Variants in COX10 observed in about 807,000 individuals in gnomAD.
The protein encoded by COX10 is cytochrome c oxidase assembly factor heme A:farnesyltransferase COX10, also known as protoheme IX farnesyltransferase, mitochondrial.
COX10 carries 27 observed loss-of-function variants against 37.3 expected under a neutral mutation model. The ratio of observed to expected loss-of-function variants is 0.72; its 90% confidence interval spans 0.53 to 1.00. COX10 has a LOEUF of 1.00. COX10 is among the 50% of genes least tolerant of loss of function. COX10 has a pLI of 0.00. For synonymous variants in COX10, 222 were observed against 229.1 expected (o/e 0.97, Z 0.28); for missense variants, 475 against 563.2 (o/e 0.84, Z 1.59).
intron 4 of COX10, among the ~76,000 whole-genome samples, chr17:14,126,716 T>G (rs1916348796): frequency 6.6e-6 from 1 of 152,124 alleles, no homozygotes; most frequent in South Asian, 2.1e-4. Context: ...GGTGGGAGGA[T>G]GCAATGGAGT....
At chr17:14,144,497 T>C (rs910523053) in intron 4 of COX10, among the ~76,000 whole-genome samples, 5 of 152,178 alleles carry the variant, frequency 3.3e-5, no homozygotes, top group African/African-American at 1.2e-4. Flanking sequence ...AATTTTCTGA[T>C]CTTTTAAGTC....
chr17:14,091,910 C>G (rs1309649340), intron 3 of COX10, among the ~76,000 whole-genome samples: 1 of 152,016 alleles, frequency 6.6e-6, no homozygotes, highest in African/African-American at 2.4e-5. Context: ...TTTTGCCAAA[C>G]TCAGTTTTGA....
intron 4 of COX10, among the ~76,000 whole-genome samples, chr17:14,155,735 A>AG (rs1207254859): frequency 8.8e-4 from 133 of 151,746 alleles, no homozygotes; most frequent in African/African-American, 2.9e-3. Context: ...AGAAAAAAAA[A>AG]GAAAACAAAA....
rs752138772 is a variant in COX10, at chr17:14,159,891, A to G, written c.639A>G (p.Pro213=). The G allele has an allele frequency of 6.2e-7, 1 of 1,611,918 alleles. No homozygotes were observed. The highest frequency in any genetic ancestry group is 1.1e-5 in the South Asian group (1 of 90,768). ...TCTTTTTACAGTTTTTTGAGGTGCC[A>G]TTTGACTCAAACATGAATAGGACAA... ...ANSINQFFEV[P]FDSNMNRTKN... The change falls in exon 5 of 7, where the codon CCA becomes CCG. Residue 213 remains proline (P), a synonymous_variant. Coordinates refer to ENST00000261643, the MANE Select transcript of COX10 (RefSeq NM_001303.4).
At chr17:14,168,889 T>C (rs1418937439) in intron 5 of COX10, among the ~76,000 whole-genome samples, 3 of 152,166 alleles carry the variant, frequency 2.0e-5, no homozygotes, top group Non-Finnish European at 4.4e-5. Context: ...TTTTTCCCAT[T>C]CTCTTGGCAA....
rs763498076 is a variant in COX10 at position 14,156,523 on chromosome 17, C to T, written c.625-3354C>T. ...GATTACAGGCGTGAGCCACCGTGCC[C>T]GGCCTAAATCTGAAATTTAACCCTA... On this transcript the variant is annotated intron_variant, in intron 4 of 6. Transcript: ENST00000261643. 3.3e-5 allele frequency among the ~76,000 whole-genome samples: 5 copies of T among 152,122 alleles called. No homozygotes were observed. The South Asian group carries it at 6.2e-4, about 19-fold the overall frequency.
chr17:14,173,236 A>G (rs932004837), intron 5 of COX10, among the ~76,000 whole-genome samples: 3 of 152,254 alleles, frequency 2.0e-5, no homozygotes, highest in Admixed American at 6.5e-5. Flanking sequence ...ATGCTTAATA[A>G]TGGATAGATG....
At chr17:14,129,268 C>A (rs1484762657) in intron 4 of COX10, among the ~76,000 whole-genome samples, 1 of 150,664 alleles carries the variant, frequency 6.6e-6, no homozygotes, top group African/African-American at 2.4e-5. Context: ...GAAATTTATT[C>A]TCTTTACTGA....
At chr17:14,137,379 A>G (rs12450626) in intron 4 of COX10, among the ~76,000 whole-genome samples, 46,748 of 151,472 alleles carry the variant, frequency 0.31, 8,639 homozygotes, top group Non-Finnish European at 0.41. Flanking sequence ...GATGATATTT[A>G]ATGACATGGA....
At chr17:14,106,026 T>C (rs918523953) in intron 4 of COX10, among the ~76,000 whole-genome samples, 2 of 152,114 alleles carry the variant, frequency 1.3e-5, no homozygotes, top group African/African-American at 4.8e-5. Context: ...TTTTTGTTTT[T>C]TTTTGAGGTA....
chr17:14,154,822 A>G (rs1904997887), intron 4 of COX10, among the ~76,000 whole-genome samples: 1 of 152,178 alleles, frequency 6.6e-6, no homozygotes. Flanking sequence ...CTTCAACCCC[A>G]GGGTCAGAAA....
At chr17:14,072,825 C>A (rs1390341718) in intron 1 of COX10, among the ~76,000 whole-genome samples, 1 of 152,162 alleles carries the variant, frequency 6.6e-6, no homozygotes, top group Admixed American at 6.5e-5. Flanking sequence ...CATCAAACAT[C>A]ATTTCCTTAT....
At chr17:14,081,314 G>A (rs1353259382) in intron 3 of COX10, among the ~76,000 whole-genome samples, 1 of 152,206 alleles carries the variant, frequency 6.6e-6, no homozygotes, top group Non-Finnish European at 1.5e-5. Context: ...TGAGGCTGTG[G>A]TGGGGAAAGA....
intron 5 of COX10, among the ~76,000 whole-genome samples, chr17:14,173,384 G>A (rs1164487717): frequency 6.6e-6 from 1 of 152,234 alleles, no homozygotes; most frequent in Non-Finnish European, 1.5e-5. Flanking sequence ...TGGAGAATGA[G>A]CGAAGAGACA....
intron 4 of COX10, among the ~76,000 whole-genome samples, chr17:14,131,943 G>A (rs1483024473): frequency 1.3e-5 from 2 of 152,028 alleles, no homozygotes; most frequent in Non-Finnish European, 2.9e-5. Context: ...TGATGCAAAA[G>A]TAGGTTGTTT....
chr17:14,078,987 T>G (rs1915219651), intron 3 of COX10, among the ~76,000 whole-genome samples: 2 of 152,144 alleles, frequency 1.3e-5, no homozygotes, highest in Non-Finnish European at 2.9e-5. Flanking sequence ...AAGGCCTCTG[T>G]TAATCCTGCT....
At chr17:14,191,509 C>T (rs1906200824) in intron 5 of COX10, among the ~76,000 whole-genome samples, 2 of 152,270 alleles carry the variant, frequency 1.3e-5, no homozygotes, top group African/African-American at 4.8e-5. Flanking sequence ...AGGGGAAGAA[C>T]AGCTTCCAGA....
chr17:14,167,060 A>T (rs1418553720), intron 5 of COX10, among the ~76,000 whole-genome samples: 1 of 152,170 alleles, frequency 6.6e-6, no homozygotes, highest in Non-Finnish European at 1.5e-5. Context: ...AACATTCATG[A>T]TTCAGGGAGG....
chr17:14,101,025 C>A (rs897956300), intron 3 of COX10, among the ~76,000 whole-genome samples: 1 of 152,142 alleles, frequency 6.6e-6, no homozygotes, highest in Non-Finnish European at 1.5e-5. Flanking sequence ...TGCTAAATGT[C>A]CCCTGGGGGG....
Sources: allele counts gnomAD v4.1 joint callset (sites outside exome capture counted in the v4.1 genomes callset), GRCh38; gene constraint gnomAD v4.1.1; transcripts MANE v1.5; gene names NCBI Gene and HGNC (gene_info 2026-07-23, HGNC 2026-07-21).